C10orf90: variants seen among roughly 807,000 people sequenced by gnomAD.
C10orf90 encodes chromosome 10 open reading frame 90, also known as (E2-independent) E3 ubiquitin-conjugating enzyme FATS.
A neutral mutation model predicts 62.5 loss-of-function variants in C10orf90; 56 were observed. The ratio of observed to expected loss-of-function variants is 0.90; its 90% CI spans 0.72 to 1.12. The LOEUF is 1.12. Ranked by LOEUF, C10orf90 falls within the 50% of genes most tolerant of loss-of-function variation. The probability of loss-of-function intolerance (pLI) is 0.00; values close to 1 mark genes in which losing one functional copy is unlikely to be tolerated. For missense variants in C10orf90, 970 were observed against 880.4 expected, an observed-to-expected ratio of 1.10 and a Z score of -1.29; for synonymous variants, 386 against 340.4, an observed-to-expected ratio of 1.13 and a Z score of -1.47.
intron 4 of C10orf90, among the ~76,000 whole-genome samples, chr10:126,484,686 A>G (rs1590987843): frequency 6.6e-6 from 1 of 152,222 alleles, no homozygotes; most frequent in Non-Finnish European, 1.5e-5. Context: ...AAAAATGTTC[A>G]TATCATTTAC....
chr10:126,470,792 AAGAG>A (rs1173289625), intron 4 of C10orf90, among the ~76,000 whole-genome samples: 1 of 152,028 alleles, frequency 6.6e-6, no homozygotes. Flanking sequence ...AAAGAAAAGA[AAGAG>A]AGAGAAGAAA....
intron 2 of C10orf90, among the ~76,000 whole-genome samples, chr10:126,515,601 T>C (rs1446133504): frequency 6.6e-6 from 1 of 152,178 alleles, no homozygotes; most frequent in East Asian, 1.9e-4. Flanking sequence ...GTTTGTACAT[T>C]CTACAAGGTT....
In C10orf90 at chr10:126,456,473, A is replaced by G. The variant is rs183687353; in HGVS notation, c.2188+2567T>C. On this transcript the variant is annotated intron_variant, in intron 7 of 9. Coordinates refer to ENST00000488181, the MANE Select transcript of C10orf90 (RefSeq NM_001350921.2). This position sits in a 1 kb window ranked among gnomAD's most constrained non-coding sequence, Gnocchi z 4.9. ...GAACTGAGCCTGGTTACCTTTTATT[A>G]CATACAATTTTAAGACTTCCATTTA... 2.5e-3 allele frequency among the ~76,000 whole-genome samples: 387 copies of G among 152,334 alleles called. 1 individual carries two copies. The highest frequency in any genetic ancestry group is 8.1e-3 in the African/African-American group (336 of 41,582).
intron 2 of C10orf90, among the ~76,000 whole-genome samples, chr10:126,563,490 C>A (rs1181486903): frequency 6.6e-6 from 1 of 152,170 alleles, no homozygotes; most frequent in East Asian, 1.9e-4. Context: ...GCCTGTTTTT[C>A]TATCTATAAC....
chr10:126,642,519 G>A (rs765458625), intron 2 of C10orf90, among the ~76,000 whole-genome samples: 1 of 151,904 alleles, frequency 6.6e-6, no homozygotes, highest in African/African-American at 2.4e-5. Context: ...GCGACAGAGC[G>A]AGACTCCATC....
intron 4 of C10orf90, among the ~76,000 whole-genome samples, chr10:126,479,654 G>A (rs1025748506): frequency 7.2e-5 from 11 of 152,192 alleles, no homozygotes; most frequent in Non-Finnish European, 1.5e-5. Context: ...TACACATGGG[G>A]GTTATTCTTT....
chr10:126,432,166 T>C (rs149427754), intron 7 of C10orf90, among the ~76,000 whole-genome samples: 12 of 152,262 alleles, frequency 7.9e-5, no homozygotes, highest in Admixed American at 5.9e-4. Context: ...TGGTTTGAAA[T>C]AGAGCAAGTG....
intron 2 of C10orf90, among the ~76,000 whole-genome samples, chr10:126,551,494 T>C (rs1344311241): frequency 6.6e-6 from 1 of 152,152 alleles, no homozygotes; most frequent in Non-Finnish European, 1.5e-5. Flanking sequence ...AATTCCTGAA[T>C]GGTTAAACAT....
intron 2 of C10orf90, among the ~76,000 whole-genome samples, chr10:126,525,950 G>A (rs1863928529): frequency 6.6e-6 from 1 of 150,490 alleles, no homozygotes; most frequent in Non-Finnish European, 1.5e-5. Context: ...GCAAGAACAG[G>A]GAAACCGTCC....
chr10:126,535,472 A>G (rs1444155346), intron 2 of C10orf90, among the ~76,000 whole-genome samples: 2 of 151,050 alleles, frequency 1.3e-5, no homozygotes, highest in South Asian at 2.1e-4. Context: ...AGCTGAGATC[A>G]CGCCACTGCA....
intron 4 of C10orf90, among the ~76,000 whole-genome samples, chr10:126,481,655 C>T (rs978158755): frequency 6.6e-5 from 10 of 152,292 alleles, no homozygotes; most frequent in African/African-American, 1.4e-4. Context: ...CAGGTACCAG[C>T]GTTGGGGCTC....
chr10:126,439,517 T>TG (rs1210699066), intron 7 of C10orf90, among the ~76,000 whole-genome samples: 4 of 152,018 alleles, frequency 2.6e-5, no homozygotes, highest in Non-Finnish European at 4.4e-5. Context: ...TCAAAATAAT[T>TG]GTTTTAAGGA....
intron 3 of C10orf90, among the ~76,000 whole-genome samples, chr10:126,510,461 A>T (rs1414124258): frequency 6.6e-6 from 1 of 152,234 alleles, no homozygotes; most frequent in Non-Finnish European, 1.5e-5. Context: ...GGGTTAACGA[A>T]ACATGTCTTT....
In C10orf90 at chr10:126,540,346, G is replaced by A. The variant is rs145235146; in HGVS notation, c.314-26407C>T. ...TTGACAATTAGATTTATAAATTGAA[G>A]TGGAAGACAGAATCCATAAGAATAA... On this transcript the variant is annotated intron_variant, in intron 2 of 9. Coordinates refer to ENST00000488181, the MANE Select transcript of C10orf90 (RefSeq NM_001350921.2). 9.0e-3 allele frequency among the ~76,000 whole-genome samples: 1,376 copies of A among 152,256 alleles called. 27 individuals are homozygous for A. Among genetic ancestry groups the A allele is most frequent in the South Asian group, 8.7e-3 (42 of 4,828 alleles).
intron 4 of C10orf90, among the ~76,000 whole-genome samples, chr10:126,501,690 C>T (rs953258881): frequency 8.5e-5 from 13 of 152,156 alleles, no homozygotes; most frequent in Non-Finnish European, 2.9e-5. Context: ...ACAAAAAGTT[C>T]TTCCAAATGT....
At chr10:126,643,576 C>T (rs142768221) in intron 2 of C10orf90, among the ~76,000 whole-genome samples, 3 of 152,292 alleles carry the variant, frequency 2.0e-5, no homozygotes, top group East Asian at 1.9e-4. Context: ...GTCAGCATGG[C>T]GCCTGACCCA....
Position 126,585,356 on chromosome 10 carries a change from A to AG in C10orf90, c.313+61208dup, listed in dbSNP as rs781327267. Among the ~76,000 whole-genome samples, 504 of 146,692 alleles carry AG rather than the reference A, an allele frequency of 3.4e-3. 5 individuals are homozygous for AG. The highest frequency in any genetic ancestry group is 1.0e-2 in the African/African-American group (396 of 39,638). On this transcript the variant is annotated intron_variant, in intron 2 of 9. Transcript: ENST00000488181. Reference sequence around the variant, plus strand: ...GAGAGAGGGAGACAGGCAGGGAGCGAGGGGGGGAAGAAAGGAAGGAAGAAA... The same window carrying AG: ...GAGAGAGGGAGACAGGCAGGGAGCGAGGGGGGGGAAGAAAGGAAGGAAGAAA...
At chr10:126,588,518 T>C (rs773962437) in intron 2 of C10orf90, among the ~76,000 whole-genome samples, 5 of 152,116 alleles carry the variant, frequency 3.3e-5, no homozygotes, top group Admixed American at 6.5e-5. Flanking sequence ...CCTTCACTGG[T>C]GATACCTCCA....
In C10orf90 at chr10:126,527,312, T is replaced by C. The variant is rs546567242; in HGVS notation, c.314-13373A>G. ...TGATTTGCATTTCCCTAATGGCTAA[T>C]GATGTGGAGCATCTTTTCATGTGCT... On this transcript the variant is annotated intron_variant, in intron 2 of 9. Transcript: ENST00000488181. 2.6e-5 allele frequency among the ~76,000 whole-genome samples: 4 copies of C among 152,356 alleles called. No individual in the cohort carries two copies. The South Asian group carries it at 8.3e-4, about 32-fold the overall frequency.
Sources: allele counts gnomAD v4.1 joint callset (sites outside exome capture counted in the v4.1 genomes callset), GRCh38; gene constraint gnomAD v4.1.1; non-coding constraint Gnocchi (gnomAD v3.1); transcripts MANE v1.5; gene names NCBI Gene and HGNC (gene_info 2026-07-23, HGNC 2026-07-21).